The following SKAP1 variants were observed in gnomAD, a reference collection of about 807,000 sequenced individuals.
SKAP1 encodes the protein src kinase associated phosphoprotein 1.
A neutral mutation model predicts 58.5 loss-of-function variants in SKAP1; 44 were observed. That is an observed-to-expected ratio of 0.75 (90% confidence interval 0.59 to 0.97). SKAP1 has a LOEUF of 0.97. Ranked by LOEUF, SKAP1 falls within the 50% of genes least tolerant of loss-of-function variation. The pLI is 0.00. For synonymous variants in SKAP1, 127 were observed against 149.7 expected (o/e 0.85, Z 1.11); for missense variants, 390 against 435.2 (o/e 0.90, Z 0.92).
At chr17:48,284,280 G>A (rs956400045) in intron 4 of SKAP1, among the ~76,000 whole-genome samples, 2 of 152,214 alleles carry the variant, frequency 1.3e-5, no homozygotes, top group African/African-American at 4.8e-5. Context: ...ATAATTTCTG[G>A]AGGCCAATTT....
intron 11 of SKAP1, among the ~76,000 whole-genome samples, chr17:48,151,087 A>G (rs1598368465): frequency 2.7e-5 from 1 of 37,470 alleles, no homozygotes; most frequent in Non-Finnish European, 5.7e-5. Flanking sequence ...ACGCAGCAGG[A>G]AAAAAAAAAA....
At position 48,137,238 on chromosome 17, in the gene SKAP1, A is replaced by G. The variant is rs1486140937; in HGVS notation, c.1078T>C (p.Ter360ArgextTer45). ...LTTAFEVEER[*>R] is the part of the protein sequence containing the mutation. Reference sequence around the variant, plus strand: ...GCCATGGTTCTGATACCTGGGTTTCATCTTTCTTCCACTTCAAAGGCAGTG... The same window carrying G: ...GCCATGGTTCTGATACCTGGGTTTCGTCTTTCTTCCACTTCAAAGGCAGTG... The change falls in exon 12 of 13, where the codon TGA becomes CGA. Residue 360 changes from the stop codon to arginine (R), a stop_lost. Coordinates refer to ENST00000336915, the MANE Select transcript of SKAP1 (RefSeq NM_003726.4). 1 of 1,611,506 alleles carries G rather than the reference A, an allele frequency of 6.2e-7. No homozygotes were observed. The highest frequency in any genetic ancestry group is 1.7e-5 in the Admixed American group (1 of 59,960).
intron 4 of SKAP1, among the ~76,000 whole-genome samples, chr17:48,306,470 T>G (rs919358018): frequency 2.0e-4 from 30 of 152,224 alleles, no homozygotes; most frequent in Non-Finnish European, 5.9e-5. Context: ...TCCTTGTCAG[T>G]TGGTACACAA....
chr17:48,166,398 G>A (rs2064140257), intron 10 of SKAP1, among the ~76,000 whole-genome samples: 2 of 152,198 alleles, frequency 1.3e-5, no homozygotes, highest in African/African-American at 4.8e-5. Context: ...CCAAGTTGGT[G>A]CTACTGATGA....
At chr17:48,199,905 T>A (rs1215744375) in intron 4 of SKAP1, among the ~76,000 whole-genome samples, 1 of 152,042 alleles carries the variant, frequency 6.6e-6, no homozygotes, top group African/African-American at 2.4e-5. Context: ...AAGTTGCATA[T>A]TAGATTCTTC....
intron 1 of SKAP1, among the ~76,000 whole-genome samples, chr17:48,414,203 A>C (rs2067704230): frequency 6.6e-6 from 1 of 152,222 alleles, no homozygotes; most frequent in Non-Finnish European, 1.5e-5. Flanking sequence ...GTACAGGCCC[A>C]TAGTAGAGGC....
At chr17:48,414,867 T>G (rs1362987326) in intron 1 of SKAP1, among the ~76,000 whole-genome samples, 1 of 152,232 alleles carries the variant, frequency 6.6e-6, no homozygotes, top group Non-Finnish European at 1.5e-5. Context: ...TCTTACATTC[T>G]CCCAAATTCT....
chr17:48,395,946 T>C (rs2067413091), intron 2 of SKAP1, among the ~76,000 whole-genome samples: 1 of 152,192 alleles, frequency 6.6e-6, no homozygotes, highest in African/African-American at 2.4e-5. Flanking sequence ...GCAGATGCTC[T>C]TCCTTTTCTA....
At chr17:48,392,877 A>T (rs8079048) in intron 2 of SKAP1, among the ~76,000 whole-genome samples, 25,516 of 127,274 alleles carry the variant, frequency 0.2, 2,311 homozygotes, top group Non-Finnish European at 0.24. Flanking sequence ...ATATATATAT[A>T]TTTTTTTTTT....
At chr17:48,334,497 A>G (rs376632791) in intron 4 of SKAP1, among the ~76,000 whole-genome samples, 1 of 151,912 alleles carries the variant, frequency 6.6e-6, no homozygotes. Context: ...ACTAAAGGCC[A>G]TCTTCTGCTT....
intron 1 of SKAP1, among the ~76,000 whole-genome samples, chr17:48,410,954 A>G (rs1332563558): frequency 6.7e-6 from 1 of 150,066 alleles, no homozygotes; most frequent in East Asian, 1.9e-4. Flanking sequence ...AAAAAAAAAA[A>G]AAAGAAAGGG....
intron 1 of SKAP1, among the ~76,000 whole-genome samples, chr17:48,413,115 T>C (rs947861650): frequency 1.3e-5 from 2 of 151,504 alleles, no homozygotes; most frequent in African/African-American, 2.4e-5. Flanking sequence ...ATCATATCTC[T>C]AGTATTATAT....
chr17:48,151,562 G>A lies in SKAP1; in HGVS notation c.978+10907C>T, dbSNP rs564531475. Reference sequence around the variant, plus strand: ...CATCCTCTTGACTATAATGTGAAATGCTGAATATTAATTGCTGGTATTATG... The same window carrying A: ...CATCCTCTTGACTATAATGTGAAATACTGAATATTAATTGCTGGTATTATG... On this transcript the variant is annotated intron_variant, in intron 11 of 12. Coordinates refer to ENST00000336915, the MANE Select transcript of SKAP1 (RefSeq NM_003726.4). Among the ~76,000 whole-genome samples, 6 of 152,306 alleles carry A rather than the reference G, an allele frequency of 3.9e-5. No homozygotes were observed. The South Asian group carries it at 1.0e-3, about 26-fold the overall frequency.
intron 4 of SKAP1, among the ~76,000 whole-genome samples, chr17:48,224,038 AAGGAGGAGGAGGAGGAGGAGG>A (rs1283982367): frequency 1.9e-5 from 1 of 52,404 alleles, no homozygotes; most frequent in Non-Finnish European, 3.6e-5. Context: ...GAGAGAGAAG[AAGGAGGAGGAGGAGGAGGAGG>A]AGGAGGAGAA....
In SKAP1 at chr17:48,275,493, C is replaced by A. The variant is rs76542680; in HGVS notation, c.280+70412G>T. ...CTCCCTGGATTATCTATCTCTTGAC[C>A]TTTAACTCTCAGCTTTAATACAAGG... is the stretch of plus-strand genomic sequence containing the variant. On this transcript the variant is annotated intron_variant, in intron 4 of 12. Transcript: ENST00000336915. Among the ~76,000 whole-genome samples the A allele has an allele frequency of 5.0e-3, 757 of 152,276 alleles. 9 individuals are homozygous for A. Among genetic ancestry groups the A allele is most frequent in the African/African-American group, 0.017 (726 of 41,546 alleles).
intron 1 of SKAP1, among the ~76,000 whole-genome samples, chr17:48,415,816 C>T (rs2067725820): frequency 6.6e-6 from 1 of 152,024 alleles, no homozygotes; most frequent in South Asian, 2.1e-4. Context: ...TGGAGTCATT[C>T]CCCAGTCACA....
intron 4 of SKAP1, among the ~76,000 whole-genome samples, chr17:48,330,077 G>A (rs1165176142): frequency 6.6e-6 from 1 of 152,138 alleles, no homozygotes; most frequent in Non-Finnish European, 1.5e-5. Context: ...TGCTGTTGTT[G>A]GTAATGAAGG....
intron 2 of SKAP1, among the ~76,000 whole-genome samples, chr17:48,388,803 A>G (rs2067310001): frequency 6.6e-6 from 1 of 152,228 alleles, no homozygotes; most frequent in South Asian, 2.1e-4. Flanking sequence ...AAATTCTGCT[A>G]CTTTGAGTAA....
At chr17:48,204,730 C>T (rs947544120) in intron 4 of SKAP1, among the ~76,000 whole-genome samples, 6 of 152,010 alleles carry the variant, frequency 3.9e-5, no homozygotes, top group Non-Finnish European at 8.8e-5. Context: ...GATGTTTAGC[C>T]CCAGACATTG....
Sources: allele counts gnomAD v4.1 joint callset (sites outside exome capture counted in the v4.1 genomes callset), GRCh38; gene constraint gnomAD v4.1.1; transcripts MANE v1.5; gene names NCBI Gene and HGNC (gene_info 2026-07-23, HGNC 2026-07-21).